The following ATXN1 variants were observed in gnomAD, a reference collection of about 807,000 sequenced individuals.
The protein encoded by ATXN1 is ataxin 1.
A neutral mutation model predicts 56.4 loss-of-function variants in ATXN1; 8 were observed. The ratio of observed to expected loss-of-function variants is 0.14; its 90% confidence interval spans 0.08 to 0.26. The LOEUF is 0.26. Among genes scored for constraint, ATXN1 ranks in the 10% least tolerant of loss-of-function variants. ATXN1 has a pLI of 1.00. For missense variants in ATXN1, 987 were observed against 1,106.5 expected, an observed-to-expected ratio of 0.89 and a Z score of 1.53; for synonymous variants, 514 against 494.6, an observed-to-expected ratio of 1.04 and a Z score of -0.52.
At chr6:16,392,554 G>A (rs1343691696) in intron 6 of ATXN1, among the ~76,000 whole-genome samples, 2 of 151,782 alleles carry the variant, frequency 1.3e-5, no homozygotes, top group Non-Finnish European at 2.9e-5. Flanking sequence ...GGAGTGAAGC[G>A]GTGTAATCTT....
rs184124246 is a variant in ATXN1, at chr6:16,668,724, G to A, written c.-614-10823C>T. ...GTTCCATGCCCTGTTCAAGCATTTCGTATACCTCTGTTTTCAGTAGGAATG... is the reference window on the plus strand; with the variant it reads ...GTTCCATGCCCTGTTCAAGCATTTCATATACCTCTGTTTTCAGTAGGAATG... On this transcript the variant is annotated intron_variant, in intron 2 of 7. Coordinates refer to ENST00000436367, the MANE Select transcript of ATXN1 (RefSeq NM_001128164.2). Among the ~76,000 whole-genome samples, 11 of 152,144 alleles carry A rather than the reference G, an allele frequency of 7.2e-5. No homozygotes were observed. In the East Asian group the frequency reaches 1.4e-3, roughly 19 times the overall value.
At chr6:16,445,466 C>G (rs1272386254) in intron 6 of ATXN1, among the ~76,000 whole-genome samples, 2 of 151,646 alleles carry the variant, frequency 1.3e-5, no homozygotes, top group African/African-American at 4.9e-5. Flanking sequence ...GGGGCAAAAG[C>G]GTTCATTTAC....
chr6:16,559,775 G>A (rs1485421785), intron 4 of ATXN1, among the ~76,000 whole-genome samples: 4 of 151,844 alleles, frequency 2.6e-5, no homozygotes, highest in Non-Finnish European at 5.9e-5. Context: ...AAGAAACCAA[G>A]CATACCAAGG....
intron 6 of ATXN1, among the ~76,000 whole-genome samples, chr6:16,376,462 T>C (rs558088963): frequency 2.6e-5 from 4 of 152,292 alleles, no homozygotes; most frequent in Admixed American, 2.6e-4. Context: ...TTTCACAAAT[T>C]TGAAGGGACT....
chr6:16,342,399 C>T (rs1019856486), intron 6 of ATXN1, among the ~76,000 whole-genome samples: 5 of 150,978 alleles, frequency 3.3e-5, no homozygotes, highest in East Asian at 1.9e-4. Context: ...GATGGGGAAA[C>T]GAGAACCTAT....
chr6:16,307,931 A>G (rs1349808400), intron 7 of ATXN1, among the ~76,000 whole-genome samples: 1 of 152,202 alleles, frequency 6.6e-6, no homozygotes, highest in Non-Finnish European at 1.5e-5. Context: ...AGGCGCGTGG[A>G]TCACCTGAGG....
chr6:16,455,068 T>C (rs542857700), intron 6 of ATXN1, among the ~76,000 whole-genome samples: 3 of 152,302 alleles, frequency 2.0e-5, no homozygotes, highest in East Asian at 3.9e-4. Flanking sequence ...GGGAAGACTG[T>C]ATTTACTGAG....
At chr6:16,550,378 T>C (rs1761898498) in intron 4 of ATXN1, among the ~76,000 whole-genome samples, 2 of 152,160 alleles carry the variant, frequency 1.3e-5, no homozygotes, top group African/African-American at 4.8e-5. Context: ...CAGCCCACAC[T>C]TGTTCCTTCT....
intron 5 of ATXN1, among the ~76,000 whole-genome samples, chr6:16,520,310 G>A (rs1278426162): frequency 2.0e-5 from 3 of 152,138 alleles, no homozygotes; most frequent in Non-Finnish European, 4.4e-5. Context: ...AATACTCATG[G>A]CTTCTATCTG....
At chr6:16,714,717 G>GT (rs1456356609) in intron 2 of ATXN1, among the ~76,000 whole-genome samples, 1 of 151,872 alleles carries the variant, frequency 6.6e-6, no homozygotes, top group Non-Finnish European at 1.5e-5. Context: ...GGGCTGTACT[G>GT]TTTTAGAGCA....
rs182918428 is a variant in ATXN1 at position 16,392,370 on chromosome 6, T to C, written c.-160-63900A>G. On this transcript the variant is annotated intron_variant, in intron 6 of 7. Coordinates refer to ENST00000436367, the MANE Select transcript of ATXN1 (RefSeq NM_001128164.2). ...TGACCTTAGTAGCAAACTGGATAACTGCCAGTCATAAAAGTGTTTCTAAAG... is the reference window on the plus strand; with the variant it reads ...TGACCTTAGTAGCAAACTGGATAACCGCCAGTCATAAAAGTGTTTCTAAAG... Among the ~76,000 whole-genome samples, 93 of 152,346 alleles carry C rather than the reference T, an allele frequency of 6.1e-4. No homozygotes were observed. The East Asian group carries it at 0.018, about 29-fold the overall frequency.
intron 6 of ATXN1, among the ~76,000 whole-genome samples, chr6:16,336,138 T>A (rs1761117958): frequency 1.3e-5 from 2 of 152,200 alleles, no homozygotes; most frequent in African/African-American, 4.8e-5. Flanking sequence ...GAGGTTTGTA[T>A]TATTATCTCC....
At chr6:16,434,846 T>C (rs1759355214) in intron 6 of ATXN1, among the ~76,000 whole-genome samples, 1 of 152,210 alleles carries the variant, frequency 6.6e-6, no homozygotes, top group East Asian at 1.9e-4. Flanking sequence ...TAAATACCTA[T>C]TTTTATATGT....
At chr6:16,693,327 A>G (rs1004791763) in intron 2 of ATXN1, among the ~76,000 whole-genome samples, 6 of 152,218 alleles carry the variant, frequency 3.9e-5, no homozygotes, top group Non-Finnish European at 7.3e-5. Flanking sequence ...CACTGTCCTC[A>G]TCTGTAAAAA....
At chr6:16,316,138 T>C (rs576042952) in intron 7 of ATXN1, among the ~76,000 whole-genome samples, 5 of 152,162 alleles carry the variant, frequency 3.3e-5, no homozygotes, top group Non-Finnish European at 7.4e-5. Flanking sequence ...TAGATTCTCA[T>C]AGGAGCGTGA....
intron 4 of ATXN1, among the ~76,000 whole-genome samples, chr6:16,532,401 T>C (rs144125511): frequency 1.8e-3 from 269 of 152,256 alleles, no homozygotes; most frequent in African/African-American, 6.3e-3. Flanking sequence ...TACATATTCA[T>C]CTCTGCATTA....
At position 16,328,041 on chromosome 6, in the gene ATXN1, G is replaced by C; in HGVS notation, c.270C>G (p.Pro90=). 1 of 1,613,746 alleles carries C rather than the reference G, an allele frequency of 6.2e-7. No individual in the cohort carries two copies. The highest frequency in any genetic ancestry group is 8.5e-7 in the Non-Finnish European group (1 of 1,179,768). ...ALSTGLDYSP[P]SAPRSVPVAT... is the part of the protein sequence containing the mutation. ...CCACGGGGACAGACCTGGGAGCGCT[G>C]GGCGGGGAGTAGTCCAGCCCTGTGG... Residue 90 remains proline (P), a synonymous_variant, in exon 7 of 8, where the codon CCC becomes CCG. Transcript: ENST00000436367. This position sits in a 1 kb window ranked among gnomAD's most constrained non-coding sequence, Gnocchi z 6.2.
intron 5 of ATXN1, among the ~76,000 whole-genome samples, chr6:16,508,706 G>A (rs1056691624): frequency 1.3e-5 from 2 of 152,116 alleles, no homozygotes; most frequent in African/African-American, 2.4e-5. Flanking sequence ...TGTGGAAAAC[G>A]ATACAGCAGT....
intron 6 of ATXN1, among the ~76,000 whole-genome samples, chr6:16,478,541 A>C (rs548538441): frequency 3.2e-4 from 48 of 152,354 alleles, no homozygotes; most frequent in Middle Eastern, 3.4e-3. Flanking sequence ...CAAAGAAGGA[A>C]AAGGCAAAGG....
Sources: allele counts gnomAD v4.1 joint callset (sites outside exome capture counted in the v4.1 genomes callset), GRCh38; gene constraint gnomAD v4.1.1; non-coding constraint Gnocchi (gnomAD v3.1); transcripts MANE v1.5; gene names NCBI Gene and HGNC (gene_info 2026-07-23, HGNC 2026-07-21).